Variants in ARID4A observed in about 807,000 individuals in gnomAD.
The protein encoded by ARID4A is AT-rich interaction domain 4A.
In ARID4A, 39 loss-of-function variants were observed where a neutral mutation model predicts 148.6. That is an observed-to-expected ratio of 0.26 (90% CI 0.20 to 0.34). The LOEUF (loss-of-function observed/expected upper bound fraction) is 0.34, where lower values mean the gene tolerates loss of function less well. Among genes scored for constraint, ARID4A ranks in the 10% least tolerant of loss-of-function variants. The probability of loss-of-function intolerance (pLI) is 1.00; values close to 1 mark genes in which losing one functional copy is unlikely to be tolerated. For synonymous variants in ARID4A, 475 were observed against 481.2 expected (o/e 0.99, Z 0.17); for missense variants, 1,265 against 1,449.1 (o/e 0.87, Z 2.06).
intron 21 of ARID4A, 117 bp from the exon 22 acceptor site, chr14:58,365,907 G>A (rs556321488): frequency 3.9e-5 from 36 of 918,700 alleles, no homozygotes; most frequent in African/African-American, 2.2e-4. Context: ...TATAAACTTT[G>A]TGCATTTGTG....
At chr14:58,326,981 T>C (rs527659055) in intron 8 of ARID4A, among the ~76,000 whole-genome samples, 2 of 152,334 alleles carry the variant, frequency 1.3e-5, no homozygotes, top group East Asian at 3.9e-4. Flanking sequence ...ATTATTAGTC[T>C]AATAATTACT....
chr14:58,316,209 T>TA (rs1202232764), intron 5 of ARID4A, among the ~76,000 whole-genome samples: 23 of 152,234 alleles, frequency 1.5e-4, no homozygotes, highest in African/African-American at 5.5e-4. Context: ...TTCTTTTTGT[T>TA]AACACTGACT....
intron 11 of ARID4A, among the ~76,000 whole-genome samples, chr14:58,337,236 TTC>T (rs2033863689): frequency 5.3e-5 from 3 of 57,114 alleles, no homozygotes; most frequent in African/African-American, 2.0e-4. Flanking sequence ...TCCTAGAACC[TTC>T]TCTTTATTTA....
intron 16 of ARID4A, 59 bp from the exon 17 acceptor site, chr14:58,353,599 G>C: frequency 6.9e-7 from 1 of 1,447,540 alleles, no homozygotes. Flanking sequence ...GATTCTTTTA[G>C]CATATTTTAT....
At chr14:58,316,827 G>A (rs912072131) in intron 5 of ARID4A, among the ~76,000 whole-genome samples, 3 of 151,888 alleles carry the variant, frequency 2.0e-5, no homozygotes, top group African/African-American at 7.2e-5. Context: ...TGGTCCGCCC[G>A]CCTCGGCCTC....
chr14:58,327,498 G>A (rs576156458), intron 8 of ARID4A, among the ~76,000 whole-genome samples: 12 of 151,612 alleles, frequency 7.9e-5, no homozygotes, highest in African/African-American at 2.9e-4. Flanking sequence ...GTTAAAAAAG[G>A]TAACATAGAT....
At chr14:58,322,397 T>TA (rs1321477201) in intron 7 of ARID4A, among the ~76,000 whole-genome samples, 13 of 152,206 alleles carry the variant, frequency 8.5e-5, no homozygotes, top group African/African-American at 3.1e-4. Flanking sequence ...CCTTCATACT[T>TA]ATTTTATAAT....
chr14:58,334,199 A>G (rs2033681159), intron 11 of ARID4A, among the ~76,000 whole-genome samples: 2 of 152,156 alleles, frequency 1.3e-5, no homozygotes, highest in South Asian at 2.1e-4. Flanking sequence ...TTTTATATCA[A>G]TGCATTTTAT....
At chr14:58,348,822 GT>G (rs1003097441) in intron 15 of ARID4A, among the ~76,000 whole-genome samples, 171 of 150,914 alleles carry the variant, frequency 1.1e-3, no homozygotes, top group African/African-American at 3.1e-3. Context: ...TTTCCAAATT[GT>G]TTTTTTTTAA....
chr14:58,361,127 CTT>C, intron 19 of ARID4A, 85 bp downstream of exon 19: 5 of 1,482,544 alleles, frequency 3.4e-6, no homozygotes, highest in Non-Finnish European at 4.5e-6. Context: ...GGATGGCTGA[CTT>C]TAAAAAAAAT....
intron 7 of ARID4A, 99 bp downstream of exon 7, chr14:58,318,904 C>T (rs1411049052): frequency 2.2e-6 from 2 of 916,290 alleles, no homozygotes; most frequent in East Asian, 2.6e-5. Context: ...GTAAGCTTTC[C>T]ATAGCATATT....
intron 8 of ARID4A, among the ~76,000 whole-genome samples, chr14:58,325,502 C>G (rs187494714): frequency 4.3e-4 from 66 of 152,230 alleles, no homozygotes; most frequent in African/African-American, 1.5e-3. Flanking sequence ...CCAGGCTGGT[C>G]TCAAACTCCT....
chr14:58,316,878 C>A (rs113534936), intron 5 of ARID4A, among the ~76,000 whole-genome samples: 2,326 of 150,210 alleles, frequency 0.015, 69 homozygotes, highest in African/African-American at 0.053. Flanking sequence ...CCGCGCCCGG[C>A]CAAGTAGTAT....
Position 58,347,123 on chromosome 14 carries a change from T to A in ARID4A, c.1172+6T>A. 1 of 1,401,204 alleles carries A rather than the reference T, an allele frequency of 7.1e-7. No individual in the cohort carries two copies. Among genetic ancestry groups the A allele is most frequent in the Non-Finnish European group, 9.8e-7 (1 of 1,020,334 alleles). The allele number at this position is 1,401,204 out of a possible 1,614,324, so 86.8% of individuals were successfully genotyped here. ...GTAAAAACTGCTTATAGAAAGTAAG[T>A]AGTATAGTTTATTCATCAAAGAATA... On this transcript the variant is annotated splice_donor_region_variant and intron_variant, in intron 14 of 23. Coordinates refer to ENST00000355431, the MANE Select transcript of ARID4A (RefSeq NM_002892.4).
chr14:58,314,437 A>G (rs2032268348), intron 5 of ARID4A, among the ~76,000 whole-genome samples: 1 of 152,178 alleles, frequency 6.6e-6, no homozygotes, highest in Non-Finnish European at 1.5e-5. Context: ...TAAAAAACAT[A>G]GAAATATAGA....
At chr14:58,331,999 C>CG (rs1049938605) in intron 11 of ARID4A, among the ~76,000 whole-genome samples, 4 of 142,472 alleles carry the variant, frequency 2.8e-5, no homozygotes, top group East Asian at 2.2e-4. Context: ...TTCCCTACCC[C>CG]CCCCCCCCCA....
At chr14:58,329,898 A>G (rs1488649164) in intron 10 of ARID4A, 105 bp from the exon 11 acceptor site, 1 of 1,505,218 alleles carries the variant, frequency 6.6e-7, no homozygotes, top group Non-Finnish European at 8.8e-7. Context: ...TTTATAAATG[A>G]CAGCCGAATT....
chr14:58,351,448 T>C, intron 16 of ARID4A, 125 bp downstream of exon 16: 1 of 1,267,096 alleles, frequency 7.9e-7, no homozygotes, highest in Non-Finnish European at 1.1e-6. Context: ...TCTTGTCTAA[T>C]GAAGGTGAGA....
chr14:58,364,769 G>A lies in ARID4A; in HGVS notation c.2680G>A (p.Gly894Arg). Residue 894 changes from glycine to arginine, a missense_variant, in exon 20 of 24, where the codon GGA becomes AGA. Coordinates refer to ENST00000355431, the MANE Select transcript of ARID4A (RefSeq NM_002892.4). Reference sequence around the variant, plus strand: ...GACCAGTGATTGTATTGGATCTGAGGGAATGAAAAACTTAAATTTTGAACA... The same window carrying A: ...GACCAGTGATTGTATTGGATCTGAGAGAATGAAAAACTTAAATTTTGAACA... Reference protein sequence around the residue: ...ERTSDCIGSEGMKNLNFEQHF... With the variant: ...ERTSDCIGSERMKNLNFEQHF... 5 of 1,613,994 alleles carry A rather than the reference G, an allele frequency of 3.1e-6. No individual in the cohort carries two copies. Among genetic ancestry groups the A allele is most frequent in the Non-Finnish European group, 4.2e-6 (5 of 1,179,990 alleles).
Sources: gnomAD v4.1 joint callset for allele counts (sites outside exome capture counted in the v4.1 genomes callset) on GRCh38, gnomAD v4.1.1 for gene constraint, MANE v1.5 for transcripts, NCBI Gene and HGNC (gene_info 2026-07-23, HGNC 2026-07-21) for gene names.